The following NELL2 variants were observed in gnomAD, a reference collection of about 807,000 sequenced individuals.
The protein encoded by NELL2 is neural EGFL like 2, also known as protein kinase C-binding protein NELL2.
NELL2 carries 41 observed loss-of-function variants against 109.6 expected under a neutral mutation model. The ratio of observed to expected loss-of-function variants is 0.37; its 90% CI spans 0.29 to 0.49. NELL2 has a LOEUF of 0.49. Among genes scored for constraint, NELL2 ranks in the 20% least tolerant of loss-of-function variants. The probability of loss-of-function intolerance (pLI) is 0.98; values close to 1 mark genes in which losing one functional copy is unlikely to be tolerated. For missense variants in NELL2, 900 were observed against 1,008.3 expected (o/e 0.89, Z 1.45); for synonymous variants, 355 against 344.7 (o/e 1.03, Z -0.33).
chr12:44,658,876 C>CAAAAAAA lies in NELL2; in HGVS notation c.1444+6607_1444+6608insTTTTTTT, dbSNP rs758903947. ...TGGGCGACAGAGCAAGACTCTGTCT[C>CAAAAAAA]CAAAAAAAAAAAAAAAAAAAAAAGA... On this transcript the variant is annotated intron_variant, in intron 13 of 19. Transcript: ENST00000429094. Among the ~76,000 whole-genome samples, 114 of 97,364 alleles carry CAAAAAAA rather than the reference C, an allele frequency of 1.2e-3. 1 individual carries two copies. Among genetic ancestry groups the CAAAAAAA allele is most frequent in the South Asian group, 1.7e-3 (5 of 2,986 alleles). 63.9% of individuals were successfully genotyped at this position (97,364 alleles called of 152,430 possible).
intron 15 of NELL2, among the ~76,000 whole-genome samples, chr12:44,595,593 A>ATT (rs57566164): frequency 9.1e-4 from 110 of 121,320 alleles, no homozygotes; most frequent in Middle Eastern, 4.3e-3. Flanking sequence ...CACCCAGCTA[A>ATT]TTTTTTTTTT....
chr12:44,509,933 T>C (rs936494426), intron 19 of NELL2, among the ~76,000 whole-genome samples: 7 of 151,890 alleles, frequency 4.6e-5, no homozygotes, highest in African/African-American at 1.7e-4. Context: ...TTTGTGTAGT[T>C]AAGAAACTGA....
intron 13 of NELL2, among the ~76,000 whole-genome samples, chr12:44,634,054 A>G (rs574812735): frequency 1.3e-5 from 2 of 152,268 alleles, no homozygotes; most frequent in East Asian, 3.9e-4. Flanking sequence ...CTTCTACTAT[A>G]TAACTTGCAG....
At chr12:44,609,355 A>G (rs532278648) in intron 14 of NELL2, among the ~76,000 whole-genome samples, 199 of 152,200 alleles carry the variant, frequency 1.3e-3, no homozygotes, top group African/African-American at 4.6e-3. Flanking sequence ...GACAGTGTGG[A>G]CACACTGGAC....
chr12:44,865,273 C>A (rs1944958747), intron 2 of NELL2, among the ~76,000 whole-genome samples: 1 of 138,718 alleles, frequency 7.2e-6, no homozygotes, highest in South Asian at 2.7e-4. Flanking sequence ...GATATTAGCC[C>A]TTTGTCCGAT....
At chr12:44,883,708 G>C (rs1159462030) in intron 1 of NELL2, among the ~76,000 whole-genome samples, 2 of 151,958 alleles carry the variant, frequency 1.3e-5, no homozygotes, top group Admixed American at 6.5e-5. Flanking sequence ...CGATATAATG[G>C]TAAGGTTTCC....
In NELL2 at chr12:44,522,086, T is replaced by C. The variant is rs1376533487; in HGVS notation, c.2089A>G (p.Ser697Gly). Reference sequence around the variant, plus strand: ...CCATTTTGATGGAGGCACTGACTACTAAGCCTTGGGTCACATTCAGGGCAG... The same window carrying C: ...CCATTTTGATGGAGGCACTGACTACCAAGCCTTGGGTCACATTCAGGGCAG... ...FCCPECDPRL[S>G]SQCLHQNGET... is the part of the protein sequence containing the mutation. Residue 697 changes from serine (S) to glycine (G), a missense_variant, in exon 18 of 20, where the codon AGT becomes GGT. By Grantham distance (56) the Ser-to-Gly change is moderately conservative. Coordinates refer to ENST00000429094, the MANE Select transcript of NELL2 (RefSeq NM_001145108.2). 6.2e-7 allele frequency: 1 copy of C among 1,614,142 alleles called. No individual in the cohort carries two copies. Among genetic ancestry groups the C allele is most frequent in the South Asian group, 1.1e-5 (1 of 91,084 alleles).
At chr12:44,585,446 A>C (rs1237995778) in intron 15 of NELL2, among the ~76,000 whole-genome samples, 2 of 152,182 alleles carry the variant, frequency 1.3e-5, no homozygotes, top group African/African-American at 4.8e-5. Flanking sequence ...TACTAAAAAT[A>C]CAAAAATTAT....
At chr12:44,578,568 G>C in intron 15 of NELL2, among the ~76,000 whole-genome samples, 1 of 151,324 alleles carries the variant, frequency 6.6e-6, no homozygotes, top group Non-Finnish European at 1.5e-5. Context: ...TTAGAGATGT[G>C]TATCTTTAAT....
chr12:44,846,914 C>T (rs1398470710), intron 2 of NELL2, among the ~76,000 whole-genome samples: 4 of 152,232 alleles, frequency 2.6e-5, no homozygotes, highest in Non-Finnish European at 5.9e-5. Context: ...CTGTGGCATT[C>T]TGAGATTTCA....
At chr12:44,768,392 T>C (rs1941418405) in intron 9 of NELL2, among the ~76,000 whole-genome samples, 1 of 152,156 alleles carries the variant, frequency 6.6e-6, no homozygotes, top group African/African-American at 2.4e-5. Flanking sequence ...GAAATCTCTC[T>C]TTAAAAATTT....
intron 8 of NELL2, 149 bp from the exon 9 acceptor site, chr12:44,774,998 T>C: frequency 1.6e-6 from 1 of 610,478 alleles, no homozygotes; most frequent in Non-Finnish European, 2.8e-6. Flanking sequence ...GTGCTGACAA[T>C]CACCACAAGG....
intron 9 of NELL2, among the ~76,000 whole-genome samples, chr12:44,740,018 A>T (rs2136494131): frequency 6.6e-6 from 1 of 152,366 alleles, no homozygotes; most frequent in South Asian, 2.1e-4. Flanking sequence ...AATACAAACC[A>T]TGTGGCATGC....
chr12:44,689,742 C>T (rs1435226877), intron 12 of NELL2, among the ~76,000 whole-genome samples: 1 of 152,142 alleles, frequency 6.6e-6, no homozygotes, highest in Non-Finnish European at 1.5e-5. Flanking sequence ...TTTTGGTTGT[C>T]ACAGCTAGGA....
intron 19 of NELL2, among the ~76,000 whole-genome samples, chr12:44,518,444 AC>A (rs1241274744): frequency 5.3e-5 from 8 of 151,998 alleles, no homozygotes; most frequent in African/African-American, 1.7e-4. Context: ...ACGGGGTTTC[AC>A]CGTGTTAGCC....
chr12:44,796,347 A>C (rs901552787), intron 3 of NELL2, among the ~76,000 whole-genome samples: 12 of 152,234 alleles, frequency 7.9e-5, no homozygotes, highest in Middle Eastern at 6.8e-3. Context: ...ATGGTGCTTA[A>C]ATCTCATCTA....
chr12:44,571,925 C>A (rs1943885369), intron 15 of NELL2, among the ~76,000 whole-genome samples: 1 of 151,852 alleles, frequency 6.6e-6, no homozygotes, highest in African/African-American at 2.4e-5. Flanking sequence ...TAGATTACAG[C>A]CACCCATGTA....
chr12:44,718,405 A>G (rs151081687), intron 9 of NELL2, among the ~76,000 whole-genome samples: 89 of 152,316 alleles, frequency 5.8e-4, no homozygotes, highest in African/African-American at 2.0e-3. Context: ...ATAAAACAAT[A>G]AAGGAATAAT....
intron 2 of NELL2, among the ~76,000 whole-genome samples, chr12:44,855,901 C>T (rs1404880086): frequency 6.6e-6 from 1 of 152,190 alleles, no homozygotes; most frequent in African/African-American, 2.4e-5. Flanking sequence ...GCCTCTCCAC[C>T]CTCTTACCTT....
Sources: gnomAD v4.1 joint callset for allele counts (sites outside exome capture counted in the v4.1 genomes callset) on GRCh38, gnomAD v4.1.1 for gene constraint, MANE v1.5 for transcripts, NCBI Gene and HGNC (gene_info 2026-07-23, HGNC 2026-07-21) for gene names.